Variants in ENPP6 observed in about 807,000 individuals in gnomAD.
ENPP6 encodes the protein glycerophosphocholine cholinephosphodiesterase ENPP6.
ENPP6 carries 32 observed loss-of-function variants against 42.0 expected under a neutral mutation model. That is an observed-to-expected ratio of 0.76 (90% CI 0.58 to 1.02). The LOEUF (loss-of-function observed/expected upper bound fraction) is 1.02, where lower values mean the gene tolerates loss of function less well. Ranked by LOEUF, ENPP6 falls within the 50% of genes least tolerant of loss-of-function variation. The pLI is 0.00. For synonymous variants in ENPP6, 213 were observed against 216.0 expected, an observed-to-expected ratio of 0.99 and a Z score of 0.12; for missense variants, 552 against 566.8, an observed-to-expected ratio of 0.97 and a Z score of 0.27.
intron 6 of ENPP6, among the ~76,000 whole-genome samples, chr4:184,109,948 G>A (rs1164711378): frequency 6.6e-6 from 1 of 152,198 alleles, no homozygotes; most frequent in Non-Finnish European, 1.5e-5. Context: ...CAGGGGAGCA[G>A]GTACTTGGAT....
rs756427351 is a variant in ENPP6 at position 184,153,628 on chromosome 4, CAG to C, written c.345_346del (p.Trp116ValfsTer27). 2 of 1,614,120 alleles carry C rather than the reference CAG, an allele frequency of 1.2e-6. No individual in the cohort carries two copies. Among genetic ancestry groups the C allele is most frequent in the African/African-American group, 1.3e-5 (1 of 75,026 alleles). ...CCACAGAGGTTCTGATCCATTCCAC[CAG>C]AGAGGCATTAGGCTGTCTTTGTTGA... On this transcript the variant is annotated frameshift_variant, in exon 2 of 8. Transcript: ENST00000296741. LOFTEE classifies it high-confidence loss of function.
chr4:184,144,294 A>G (rs1223891376), intron 2 of ENPP6, among the ~76,000 whole-genome samples: 1 of 152,088 alleles, frequency 6.6e-6, no homozygotes, highest in African/African-American at 2.4e-5. Context: ...CCACCCCCAG[A>G]CTGTGCTCTG....
intron 2 of ENPP6, among the ~76,000 whole-genome samples, chr4:184,129,517 G>A (rs1736560375): frequency 6.6e-6 from 1 of 152,164 alleles, no homozygotes; most frequent in Non-Finnish European, 1.5e-5. Flanking sequence ...GGATTTCAGG[G>A]TCACTGTTAC....
At position 184,097,356 on chromosome 4, in the gene ENPP6, G is replaced by T. The variant is rs779802749; in HGVS notation, c.1006C>A (p.Leu336Ile). The change falls in exon 7 of 8, where the codon CTT becomes ATT. Residue 336 changes from leucine to isoleucine, a missense_variant. Physicochemically the swap from Leu to Ile is conservative, Grantham distance 5 (BLOSUM62 2). Around this residue, in one of 2 missense-constraint regions of ENPP6, gnomAD observed 545 missense variants for 546.3 expected, o/e 1.00. Transcript: ENST00000296741. ...GWFITENREM[L>I]PFWMNSTGRR... ...CCGGTGCTGTTCATCCAAAACGGAA[G>T]CATCTCTCGATTCTGAAACCAAGCA... 20 of 1,614,024 alleles carry T rather than the reference G, an allele frequency of 1.2e-5. No homozygotes were observed. Among genetic ancestry groups the T allele is most frequent in the African/African-American group, 2.7e-5 (2 of 74,930 alleles).
At chr4:184,172,380 C>T (rs902206955) in intron 1 of ENPP6, among the ~76,000 whole-genome samples, 1 of 152,140 alleles carries the variant, frequency 6.6e-6, no homozygotes, top group Admixed American at 6.5e-5. Context: ...GAAGAGCCTC[C>T]ACCCTCTAGC....
intron 1 of ENPP6, among the ~76,000 whole-genome samples, chr4:184,202,970 A>G (rs4862339): frequency 0.79 from 120,359 of 152,208 alleles, 50,221 homozygotes; most frequent in East Asian, 0.94. Context: ...CTCACTGGAC[A>G]CAATGGCTCA....
At position 184,091,097 on chromosome 4, in the gene ENPP6, A is replaced by G. The variant is rs1188107412; in HGVS notation, c.*80T>C. On this transcript the variant is annotated 3_prime_UTR_variant, in exon 8 of 8. Transcript: ENST00000296741. ...GATTGTGTTAATGAAGCTATTATTC[A>G]CACATAAAATGAAAATCATCTGGCT... The G allele has an allele frequency of 5.3e-6, 7 of 1,321,420 alleles. No individual in the cohort carries two copies. Among genetic ancestry groups the G allele is most frequent in the Non-Finnish European group, 7.2e-6 (7 of 976,088 alleles). 81.9% of individuals were successfully genotyped at this position (1,321,420 alleles called of 1,614,324 possible).
At chr4:184,189,148 A>G (rs893988193) in intron 1 of ENPP6, among the ~76,000 whole-genome samples, 1 of 152,106 alleles carries the variant, frequency 6.6e-6, no homozygotes, top group Admixed American at 6.5e-5. Flanking sequence ...ATAGTTCCTC[A>G]TGTATATGCC....
chr4:184,113,928 T>TTTC (rs1579615351), intron 5 of ENPP6, among the ~76,000 whole-genome samples: 1 of 141,756 alleles, frequency 7.1e-6, no homozygotes, highest in East Asian at 2.0e-4. Flanking sequence ...TCTTTCTTTC[T>TTTC]TTCTTTCTTT....
chr4:184,190,185 T>A (rs1297509360), intron 1 of ENPP6, among the ~76,000 whole-genome samples: 1 of 152,204 alleles, frequency 6.6e-6, no homozygotes, highest in Non-Finnish European at 1.5e-5. Flanking sequence ...TAATATCTCT[T>A]GGGTAATACA....
At chr4:184,215,864 C>CA (rs1733187306) in intron 1 of ENPP6, among the ~76,000 whole-genome samples, 1 of 152,192 alleles carries the variant, frequency 6.6e-6, no homozygotes, top group Non-Finnish European at 1.5e-5. Flanking sequence ...AAAACACCCA[C>CA]AGCCGGAAAA....
intron 1 of ENPP6, among the ~76,000 whole-genome samples, chr4:184,191,340 G>C (rs1466386211): frequency 6.6e-6 from 1 of 152,212 alleles, no homozygotes; most frequent in East Asian, 1.9e-4. Flanking sequence ...TTGGAATAGT[G>C]TTTGAACGTA....
At chr4:184,152,452 A>T (rs1300287898) in intron 2 of ENPP6, among the ~76,000 whole-genome samples, 2 of 151,694 alleles carry the variant, frequency 1.3e-5, no homozygotes, top group African/African-American at 4.8e-5. Flanking sequence ...AATCCAGACC[A>T]GTTCGACCCC....
At chr4:184,097,402 G>C in intron 6 of ENPP6, 34 bp from the exon 7 acceptor site, 1 of 1,611,490 alleles carries the variant, frequency 6.2e-7, no homozygotes, top group Non-Finnish European at 8.5e-7. Context: ...ATGACACTAC[G>C]TCCTGACCGT....
chr4:184,117,082 C>A lies in ENPP6; in HGVS notation c.676-47G>T, dbSNP rs372819487. ...TCATTACGGCACCAACAGAGAGGCT[C>A]GTGCACTCAGAAAACCTTGTCAACT... is the stretch of plus-strand genomic sequence containing the variant. On this transcript the variant is annotated intron_variant, in intron 4 of 7. Coordinates refer to ENST00000296741, the MANE Select transcript of ENPP6 (RefSeq NM_153343.4). 2.9e-5 allele frequency: 46 copies of A among 1,604,004 alleles called. No homozygotes were observed. In the African/African-American group the frequency reaches 5.2e-4, roughly 18 times the overall value.
chr4:184,141,314 G>A (rs928235600), intron 2 of ENPP6, among the ~76,000 whole-genome samples: 10 of 152,076 alleles, frequency 6.6e-5, no homozygotes, highest in Admixed American at 3.3e-4. Context: ...TGCTGCCTCC[G>A]GGCCATTTTC....
rs149453466 is a variant in ENPP6 at position 184,188,567 on chromosome 4, C to T, written c.241+29012G>A. Among the ~76,000 whole-genome samples, 96 of 152,230 alleles carry T rather than the reference C, an allele frequency of 6.3e-4. 1 individual carries two copies. Among genetic ancestry groups the T allele is most frequent in the African/African-American group, 2.0e-3 (83 of 41,534 alleles). ...GCATATGGCTGCTAGGAATCAGCTC[C>T]ATGAGACCACACACAGGCATCTCAC... On this transcript the variant is annotated intron_variant, in intron 1 of 7. Transcript: ENST00000296741.
chr4:184,099,694 G>C (rs994841867), intron 6 of ENPP6, among the ~76,000 whole-genome samples: 1 of 152,114 alleles, frequency 6.6e-6, no homozygotes, highest in Non-Finnish European at 1.5e-5. Flanking sequence ...TGAGTTTCCC[G>C]CATCCCTCGT....
At chr4:184,112,541 G>C (rs1736214880) in intron 6 of ENPP6, 131 bp downstream of exon 6, 1 of 1,132,620 alleles carries the variant, frequency 8.8e-7, no homozygotes, top group East Asian at 2.6e-5. Flanking sequence ...TCTAAAGAAA[G>C]ACATAACGCA....
Sources: allele counts gnomAD v4.1 joint callset (sites outside exome capture counted in the v4.1 genomes callset), GRCh38; gene constraint gnomAD v4.1.1; regional missense constraint gnomAD v4.1.1; transcripts MANE v1.5; gene names NCBI Gene and HGNC (gene_info 2026-07-23, HGNC 2026-07-21).